The following PRELID2 variants were observed in gnomAD, a reference collection of about 807,000 sequenced individuals.
The protein encoded by PRELID2 is PRELI domain-containing protein 2.
In PRELID2, 25 loss-of-function variants were observed where a neutral mutation model predicts 28.4. The observed-to-expected ratio is 0.88, with a 90% CI of 0.64 to 1.23. PRELID2 has a LOEUF of 1.23. Ranked by LOEUF, PRELID2 falls within the 50% of genes most tolerant of loss-of-function variation. The pLI, the probability that PRELID2 is intolerant of heterozygous loss-of-function variation, is 0.00. For missense variants in PRELID2, 201 were observed against 214.4 expected, an observed-to-expected ratio of 0.94 and a Z score of 0.39; for synonymous variants, 76 against 71.6, an observed-to-expected ratio of 1.06 and a Z score of -0.31.
the PRELID2 span, among the ~76,000 whole-genome samples, chr5:145,439,512 C>T: frequency 6.6e-6 from 1 of 152,072 alleles, no homozygotes; most frequent in Non-Finnish European, 1.5e-5. Context: ...CCCCCAAAGC[C>T]TATCATCTTT....
intron 1 of PRELID2, among the ~76,000 whole-genome samples, chr5:145,750,175 G>A (rs1416671021): frequency 6.6e-6 from 1 of 151,784 alleles, no homozygotes; most frequent in Non-Finnish European, 1.5e-5. Flanking sequence ...GTTGTCACTG[G>A]AGAATTCTAC....
intron 1 of PRELID2, among the ~76,000 whole-genome samples, chr5:145,477,906 G>A (rs1279875277): frequency 6.6e-6 from 1 of 151,968 alleles, no homozygotes; most frequent in Non-Finnish European, 1.5e-5. Context: ...GGGGGAAGTG[G>A]GGAGGAAGAG....
the PRELID2 span, among the ~76,000 whole-genome samples, chr5:145,253,134 A>G: frequency 0.24 from 36,901 of 151,976 alleles, 5,510 homozygotes; most frequent in Non-Finnish European, 0.32. Flanking sequence ...AGTATTTCCT[A>G]TGTAATACCA....
At chr5:145,760,893 G>A (rs985945958) in intron 6 of PRELID2, among the ~76,000 whole-genome samples, 7 of 152,154 alleles carry the variant, frequency 4.6e-5, no homozygotes, top group African/African-American at 1.7e-4. Context: ...AAAATGACAG[G>A]AAATCAAAAA....
At chr5:145,776,464 GA>G (rs869081522) in intron 5 of PRELID2, among the ~76,000 whole-genome samples, 3 of 12,676 alleles carry the variant, frequency 2.4e-4, no homozygotes, top group African/African-American at 3.1e-4. Context: ...CTCAAATGAA[GA>G]AAGAAAGAAA....
chr5:145,688,080 G>A (rs1385094486), intron 1 of PRELID2, among the ~76,000 whole-genome samples: 1 of 152,246 alleles, frequency 6.6e-6, no homozygotes, highest in East Asian at 1.9e-4. Context: ...GCTTGACAAG[G>A]TTTCATTTTC....
At chr5:145,820,059 A>AT in intron 2 of PRELID2, 41 bp from the exon 3 acceptor site, 1 of 1,198,020 alleles carries the variant, frequency 8.3e-7, no homozygotes, top group Non-Finnish European at 1.2e-6. Context: ...AATTAAAGAA[A>AT]TGTGTTCTTT....
chr5:145,710,949 T>C lies in PRELID2; in HGVS notation n.70+53982A>G, dbSNP rs1260974800. Among the ~76,000 whole-genome samples the C allele has an allele frequency of 3.3e-5, 5 of 152,198 alleles. No individual in the cohort carries two copies. The East Asian group carries it at 9.6e-4, about 29-fold the overall frequency. On this transcript the variant is annotated intron_variant and non_coding_transcript_variant, in intron 1 of 2. Coordinates refer to the PRELID2 transcript ENST00000510259. ...ATTCAGCTAAGCACACAGGGTTCTGTTTCTAAGAGGATAATATTAGAATAG... is the reference window on the plus strand; with the variant it reads ...ATTCAGCTAAGCACACAGGGTTCTGCTTCTAAGAGGATAATATTAGAATAG...
At chr5:145,770,305 C>A (rs1422878531) in intron 5 of PRELID2, among the ~76,000 whole-genome samples, 2 of 151,776 alleles carry the variant, frequency 1.3e-5, no homozygotes, top group African/African-American at 4.8e-5. Context: ...TGCTTAAGGC[C>A]AGGAGTTCGA....
chr5:145,707,060 T>G (rs1182536015), intron 1 of PRELID2, among the ~76,000 whole-genome samples: 1 of 152,220 alleles, frequency 6.6e-6, no homozygotes, highest in South Asian at 2.1e-4. Context: ...TCAAAGGAAA[T>G]GAGGACGTGA....
chr5:145,316,888 C>G, the PRELID2 span, among the ~76,000 whole-genome samples: 1 of 152,202 alleles, frequency 6.6e-6, no homozygotes, highest in Non-Finnish European at 1.5e-5. Flanking sequence ...TCCTTTCTCC[C>G]TCGTTTACCT....
At chr5:145,571,571 C>T (rs959069144) in intron 1 of PRELID2, among the ~76,000 whole-genome samples, 4 of 152,182 alleles carry the variant, frequency 2.6e-5, no homozygotes, top group Non-Finnish European at 5.9e-5. Context: ...GCTATCTCTT[C>T]CTGGGAAAAT....
At chr5:145,607,858 T>C (rs544144669) in intron 1 of PRELID2, among the ~76,000 whole-genome samples, 88 of 152,308 alleles carry the variant, frequency 5.8e-4, no homozygotes, top group South Asian at 3.9e-3. Flanking sequence ...AGTCCCCCAT[T>C]ATTATTGTAT....
chr5:145,373,420 A>T, the PRELID2 span, among the ~76,000 whole-genome samples: 118 of 61,852 alleles, frequency 1.9e-3, no homozygotes, highest in African/African-American at 7.5e-3. Context: ...CAACATATAT[A>T]ATATATATGA....
At chr5:145,535,490 T>A (rs1752691200) in intron 1 of PRELID2, among the ~76,000 whole-genome samples, 1 of 151,850 alleles carries the variant, frequency 6.6e-6, no homozygotes, top group African/African-American at 2.4e-5. Flanking sequence ...GTTTTATTGC[T>A]CTCACCAAGA....
chr5:145,516,114 C>A (rs924584896), intron 1 of PRELID2, among the ~76,000 whole-genome samples: 1 of 152,134 alleles, frequency 6.6e-6, no homozygotes, highest in African/African-American at 2.4e-5. Flanking sequence ...CACTCCTATT[C>A]AACATAGTAT....
chr5:145,560,006 C>G (rs1752913505), intron 1 of PRELID2, among the ~76,000 whole-genome samples: 1 of 152,090 alleles, frequency 6.6e-6, no homozygotes, highest in African/African-American at 2.4e-5. Flanking sequence ...CATAGCTTAG[C>G]CTAGCCTACC....
chr5:145,445,644 G>C, the PRELID2 span, among the ~76,000 whole-genome samples: 1 of 151,750 alleles, frequency 6.6e-6, no homozygotes, highest in African/African-American at 2.4e-5. Context: ...TAATATCCAG[G>C]TTATATAAGG....
the PRELID2 span, among the ~76,000 whole-genome samples, chr5:145,322,081 TA>T: frequency 6.6e-6 from 1 of 152,210 alleles, no homozygotes; most frequent in Non-Finnish European, 1.5e-5. Flanking sequence ...TCACTCCAAA[TA>T]AATATTAATA....
Sources: allele counts gnomAD v4.1 joint callset (sites outside exome capture counted in the v4.1 genomes callset), GRCh38; gene constraint gnomAD v4.1.1; transcripts MANE v1.5; gene names NCBI Gene and HGNC (gene_info 2026-07-23, HGNC 2026-07-21).